EDDM13: variants seen among roughly 807,000 people sequenced by gnomAD.
EDDM13 encodes epididymal protein 13.
EDDM13 carries 24 observed loss-of-function variants against 17.8 expected under a neutral mutation model. The observed-to-expected ratio is 1.35, with a 90% CI of 0.98 to 1.90. The LOEUF is 1.90. EDDM13 is among the 40% of genes most tolerant of loss of function. The pLI is 0.00. For missense variants in EDDM13, 97 were observed against 100.8 expected, an observed-to-expected ratio of 0.96 and a Z score of 0.16; for synonymous variants, 31 against 37.5, an observed-to-expected ratio of 0.83 and a Z score of 0.63.
At chr19:56,302,733 A>G in intron 13 of EDDM13, 1 of 363,666 alleles carries the variant, frequency 2.7e-6, no homozygotes, top group Non-Finnish European at 4.8e-6. Flanking sequence ...CCACCTCTAG[A>G]CTGGGATAAA....
chr19:56,285,708 T>C (rs1251071913), intron 6 of EDDM13, among the ~76,000 whole-genome samples: 2 of 152,204 alleles, frequency 1.3e-5, no homozygotes, highest in Non-Finnish European at 1.5e-5. Context: ...CTCGAACTCC[T>C]GACCTCGTGA....
At chr19:56,294,248 T>C (rs1381677721) in intron 9 of EDDM13, among the ~76,000 whole-genome samples, 3 of 152,088 alleles carry the variant, frequency 2.0e-5, no homozygotes, top group African/African-American at 4.8e-5. Context: ...AGCTCTGTAC[T>C]GGGCGATTCA....
chr19:56,273,135 T>C (rs1016900441), intron 1 of EDDM13, among the ~76,000 whole-genome samples: 14 of 152,310 alleles, frequency 9.2e-5, no homozygotes, highest in Admixed American at 2.6e-4. Flanking sequence ...TGCATCCTGG[T>C]TTCTATCACT....
chr19:56,309,659 C>A (rs1465469066), intron 14 of EDDM13, among the ~76,000 whole-genome samples: 1 of 152,188 alleles, frequency 6.6e-6, no homozygotes, highest in Non-Finnish European at 1.5e-5. Context: ...TCCTGCAACT[C>A]TGAGTGACTC....
intron 1 of EDDM13, among the ~76,000 whole-genome samples, chr19:56,274,017 G>C (rs559739342): frequency 1.3e-5 from 2 of 152,190 alleles, no homozygotes; most frequent in East Asian, 1.9e-4. Flanking sequence ...AGAAGGTTAC[G>C]AGGCACTGAG....
At chr19:56,282,620 T>A (rs528152094) in intron 4 of EDDM13, 121 bp downstream of exon 4, 29 of 456,262 alleles carry the variant, frequency 6.4e-5, no homozygotes, top group African/African-American at 5.5e-4. Context: ...TAGCTTCTAA[T>A]AGCGGAACTA....
chr19:56,292,854 A>G (rs926831367), intron 9 of EDDM13, among the ~76,000 whole-genome samples: 3 of 152,254 alleles, frequency 2.0e-5, no homozygotes, highest in African/African-American at 7.2e-5. Flanking sequence ...CACTCAGCAC[A>G]GTGTCCTCAA....
chr19:56,273,329 G>A (rs1016371239), intron 1 of EDDM13, among the ~76,000 whole-genome samples: 5 of 152,178 alleles, frequency 3.3e-5, no homozygotes, highest in Non-Finnish European at 7.3e-5. Context: ...AGACTTTTGC[G>A]ACGTAAAGAC....
chr19:56,285,170 G>A lies in EDDM13; in HGVS notation c.154+146G>A, dbSNP rs574583145. ...GCACATGTTTTGTTTGAACTTTGAT[G>A]TAATGAAAATCTTTATTGCTATATA... On this transcript the variant is annotated intron_variant, in intron 6 of 14. Transcript: ENST00000649256. 3.5e-5 allele frequency: 9 copies of A among 258,048 alleles called. No homozygotes were observed. The South Asian group carries it at 1.0e-3, about 29-fold the overall frequency. The allele number at this position is 258,048 out of a possible 1,614,324, so 16.0% of individuals were successfully genotyped here. A position where few individuals can be genotyped will look rare whatever the true frequency, so the allele number is the denominator to read the frequency against.
intron 12 of EDDM13, among the ~76,000 whole-genome samples, chr19:56,301,438 A>T (rs1346292302): frequency 6.6e-6 from 1 of 151,912 alleles, no homozygotes; most frequent in Non-Finnish European, 1.5e-5. Flanking sequence ...TATAATTAGT[A>T]TATAATGAGC....
Position 56,291,141 on chromosome 19 carries a change from G to GC in EDDM13, c.232+299dup, listed in dbSNP as rs550769502. Among the ~76,000 whole-genome samples, 40 of 152,298 alleles carry GC rather than the reference G, an allele frequency of 2.6e-4. 2 individuals carry two copies. In the South Asian group the frequency reaches 7.5e-3, roughly 28 times the overall value. ...ACGTCCCCGAGCTCACAGGACCGTTGCCCCAGAAGACAAGAAAGCATTGAG... is the reference window on the plus strand; with the variant it reads ...ACGTCCCCGAGCTCACAGGACCGTTGCCCCCAGAAGACAAGAAAGCATTGAG... On this transcript the variant is annotated intron_variant, in intron 9 of 14. Coordinates refer to ENST00000649256, the MANE Select transcript of EDDM13 (RefSeq NM_001354658.2).
intron 2 of EDDM13, among the ~76,000 whole-genome samples, chr19:56,280,153 CTT>C (rs982263059): frequency 8.5e-5 from 13 of 152,250 alleles, no homozygotes; most frequent in Admixed American, 2.0e-4. Context: ...TCAAAGTCCT[CTT>C]GTTTCTATTT....
intron 9 of EDDM13, among the ~76,000 whole-genome samples, chr19:56,293,777 G>A (rs1012010271): frequency 2.0e-5 from 3 of 152,240 alleles, no homozygotes; most frequent in Admixed American, 1.3e-4. Context: ...TGGTAGGGGA[G>A]GCTAACGGCA....
At chr19:56,297,452 C>T (rs1344566125) in intron 11 of EDDM13, 53 bp from the exon 12 acceptor site, 1 of 829,624 alleles carries the variant, frequency 1.2e-6, no homozygotes. Context: ...TCTTCCTTTC[C>T]TCTTCCTCCT....
At chr19:56,305,280 CTCTCTG>C (rs1443934391) in intron 14 of EDDM13, among the ~76,000 whole-genome samples, 4 of 152,326 alleles carry the variant, frequency 2.6e-5, no homozygotes, top group African/African-American at 9.6e-5. Context: ...CACTAGTCTA[CTCTCTG>C]TCTCTGAGAA....
intron 14 of EDDM13, among the ~76,000 whole-genome samples, chr19:56,305,318 A>G (rs2040613739): frequency 6.6e-6 from 1 of 152,176 alleles, no homozygotes; most frequent in Non-Finnish European, 1.5e-5. Flanking sequence ...TGGTCATTTC[A>G]TACACATGGA....
intron 9 of EDDM13, among the ~76,000 whole-genome samples, chr19:56,292,540 A>C (rs1600207205): frequency 6.7e-6 from 1 of 149,806 alleles, no homozygotes; most frequent in African/African-American, 2.5e-5. Context: ...CTCCTACCTC[A>C]GCCTCCCAAA....
chr19:56,281,736 C>T, intron 3 of EDDM13, 38 bp downstream of exon 3: 1 of 982,770 alleles, frequency 1.0e-6, no homozygotes, highest in Non-Finnish European at 1.2e-6. Context: ...AAATGGGGAG[C>T]CCGCCCTTCA....
intron 12 of EDDM13, among the ~76,000 whole-genome samples, chr19:56,300,324 C>A (rs1330916125): frequency 6.6e-6 from 1 of 152,164 alleles, no homozygotes; most frequent in Non-Finnish European, 1.5e-5. Flanking sequence ...AGTTAAAGAA[C>A]TTGACAGCTC....
Sources: allele counts gnomAD v4.1 joint callset (sites outside exome capture counted in the v4.1 genomes callset), GRCh38; gene constraint gnomAD v4.1.1; transcripts MANE v1.5; gene names NCBI Gene and HGNC (gene_info 2026-07-23, HGNC 2026-07-21).